Variants in ANK3 observed in about 807,000 individuals in gnomAD.
ANK3 encodes the protein ankyrin-3.
A neutral mutation model predicts 370.9 loss-of-function variants in ANK3; 57 were observed. The ratio of observed to expected loss-of-function variants is 0.15; its 90% CI spans 0.12 to 0.19. The LOEUF is 0.19. Ranked by LOEUF, ANK3 falls within the 10% of genes least tolerant of loss-of-function variation. ANK3 has a pLI of 1.00. For synonymous variants in ANK3, 1,929 were observed against 1,946.3 expected (o/e 0.99, Z 0.23); for missense variants, 4,439 against 5,302.1 (o/e 0.84, Z 5.06).
At chr10:60,038,437 C>A (rs865963042) in intron 43 of ANK3, among the ~76,000 whole-genome samples, 1 of 152,080 alleles carries the variant, frequency 6.6e-6, no homozygotes, top group Non-Finnish European at 1.5e-5. Flanking sequence ...ATGTTCTTTG[C>A]CCACTTGTTA....
intron 1 of ANK3, among the ~76,000 whole-genome samples, chr10:60,306,053 C>T (rs1244552800): frequency 6.6e-6 from 1 of 152,066 alleles, no homozygotes; most frequent in Admixed American, 6.5e-5. Context: ...AACTGAACCC[C>T]TTCCTTTTTA....
intron 1 of ANK3, among the ~76,000 whole-genome samples, chr10:60,341,365 T>C (rs2132982590): frequency 6.6e-6 from 1 of 152,278 alleles, no homozygotes; most frequent in Middle Eastern, 3.4e-3. Context: ...TCATTATTGT[T>C]ATTTGCATTC....
At chr10:60,236,825 C>A (rs1339205338) in intron 7 of ANK3, among the ~76,000 whole-genome samples, 1 of 152,228 alleles carries the variant, frequency 6.6e-6, no homozygotes, top group Non-Finnish European at 1.5e-5. Context: ...CAAACTTTGT[C>A]CGCAAAGGGC....
At chr10:60,526,048 T>A (rs575701469) in intron 2 of ANK3, among the ~76,000 whole-genome samples, 1 of 152,130 alleles carries the variant, frequency 6.6e-6, no homozygotes, top group Non-Finnish European at 1.5e-5. Flanking sequence ...CAGGTTTACA[T>A]GGAACTTGTC....
chr10:60,438,084 C>T (rs1050990377), intron 2 of ANK3, among the ~76,000 whole-genome samples: 4 of 152,150 alleles, frequency 2.6e-5, no homozygotes, highest in African/African-American at 9.7e-5. Flanking sequence ...GAAATTCATG[C>T]TGACCCTTAT....
intron 2 of ANK3, among the ~76,000 whole-genome samples, chr10:60,402,764 C>A (rs1448519280): frequency 6.6e-6 from 1 of 152,204 alleles, no homozygotes; most frequent in East Asian, 1.9e-4. Context: ...CCACCCCAGA[C>A]AACAGCCAGC....
rs2082581957 is a variant in ANK3, at chr10:60,071,028, T to G, written c.9853A>C (p.Asn3285His). The G allele has an allele frequency of 1.9e-6, 3 of 1,614,190 alleles. No individual in the cohort carries two copies. Among genetic ancestry groups the G allele is most frequent in the Non-Finnish European group, 2.5e-6 (3 of 1,180,020 alleles). Residue 3285 changes from asparagine to histidine, a missense_variant, in exon 37 of 44, where the codon AAT becomes CAT. Asn to His is a moderately conservative substitution (Grantham distance 68). Coordinates refer to ENST00000280772, the MANE Select transcript of ANK3 (RefSeq NM_020987.5). ...TACTTGTCATGCTCATCTTGCAGAT[T>G]GACTTCAATCATGTCAACCTCTTTT... ...PEKEVDMIEV[N>H]LQDEHDKYQL...
chr10:60,478,366 G>A (rs1284547775), intron 2 of ANK3, among the ~76,000 whole-genome samples: 2 of 151,988 alleles, frequency 1.3e-5, no homozygotes, highest in African/African-American at 2.4e-5. Flanking sequence ...ATTTCAGTAG[G>A]TTATATGATA....
chr10:60,711,308 C>CATGCCTGT (rs1432804771), intron 1 of ANK3, among the ~76,000 whole-genome samples: 6 of 152,026 alleles, frequency 3.9e-5, no homozygotes, highest in African/African-American at 1.4e-4. Flanking sequence ...TGTATCAAAA[C>CATGCCTGT]ATCTCATGAA....
Position 60,068,712 on chromosome 10 carries a change from T to G in ANK3, c.12169A>C (p.Lys4057Gln), listed in dbSNP as rs1564743518. 6.2e-7 allele frequency: 1 copy of G among 1,613,992 alleles called. No homozygotes were observed. The highest frequency in any genetic ancestry group is 1.1e-5 in the South Asian group (1 of 91,076). Residue 4057 changes from lysine to glutamine, a missense_variant, in exon 37 of 44, where the codon AAG becomes CAG. Physicochemically the swap from Lys to Gln is moderately conservative, Grantham distance 53. Transcript: ENST00000280772. ...TTTAAAGGTGCTGCCTCTGTTTTCT[T>G]ATCTCTAGCAGACTTCGTTGTAACC... Reference protein sequence around the residue: ...PSVTTKSARDKKTEAAPLKSK... With the variant: ...PSVTTKSARDQKTEAAPLKSK...
intron 42 of ANK3, 126 bp from the exon 43 acceptor site, chr10:60,042,885 G>A: frequency 1.3e-6 from 2 of 1,516,442 alleles, no homozygotes; most frequent in South Asian, 1.3e-5. Context: ...GTCACTTCAT[G>A]TCCAAAAATA....
rs77158528 is a variant in ANK3 at position 60,658,270 on chromosome 10, G to T, written c.58-43046C>A. On this transcript the variant is annotated intron_variant, in intron 1 of 43. Transcript: ENST00000373827. ...TTTGTTCCTTTATTCCTTTTCTCCT[G>T]CCTTGTTTTCTATTAATCAAGTATC... Among the ~76,000 whole-genome samples the T allele has an allele frequency of 5.4e-5, 8 of 149,328 alleles. No individual in the cohort carries two copies. The East Asian group carries it at 1.6e-3, about 29-fold the overall frequency.
rs781476279 is a variant in ANK3, at chr10:60,208,114, G to A, written c.1116C>T (p.His372=). 3.3e-5 allele frequency: 54 copies of A among 1,614,114 alleles called. No individual in the cohort carries two copies. The East Asian group carries it at 5.3e-4, about 16-fold the overall frequency. The change falls in exon 10 of 44, where the codon CAC becomes CAT. Residue 372 remains histidine, a synonymous_variant. Coordinates refer to ENST00000280772, the MANE Select transcript of ANK3 (RefSeq NM_020987.5). Reference sequence around the variant, plus strand: ...TGTAATGGCCACAGTGGGCAGCCACGTGTAGGGCAGTCAGGTAGTCATTGG... The same window carrying A: ...TGTAATGGCCACAGTGGGCAGCCACATGTAGGGCAGTCAGGTAGTCATTGG... ...DVTNDYLTAL[H]VAAHCGHYKV... is the part of the protein sequence containing the mutation.
intron 2 of ANK3, among the ~76,000 whole-genome samples, chr10:60,432,276 C>T (rs2064044067): frequency 6.6e-6 from 1 of 152,058 alleles, no homozygotes; most frequent in South Asian, 2.1e-4. Context: ...TCTTTTCTTC[C>T]TTTTGTTTGC....
chr10:60,119,260 C>T (rs575954119), intron 25 of ANK3, among the ~76,000 whole-genome samples: 12 of 152,200 alleles, frequency 7.9e-5, no homozygotes, highest in African/African-American at 1.4e-4. Context: ...ATGGAACCTA[C>T]GGTTTTATAC....
intron 17 of ANK3, among the ~76,000 whole-genome samples, chr10:60,186,408 A>C (rs886915420): frequency 4.0e-5 from 6 of 151,060 alleles, no homozygotes; most frequent in East Asian, 1.9e-4. Context: ...TGGAGTATAA[A>C]GAAGCAATCA....
intron 16 of ANK3, among the ~76,000 whole-genome samples, chr10:60,192,791 C>A (rs1468035640): frequency 1.3e-5 from 2 of 152,252 alleles, no homozygotes; most frequent in African/African-American, 4.8e-5. Context: ...GTATTCAGCA[C>A]TAAGCGACAT....
At chr10:60,096,531 A>G (rs1447388731) in intron 28 of ANK3, among the ~76,000 whole-genome samples, 1 of 152,218 alleles carries the variant, frequency 6.6e-6, no homozygotes, top group Non-Finnish European at 1.5e-5. Context: ...ATCGTACTAC[A>G]TGTTAGTACC....
intron 1 of ANK3, among the ~76,000 whole-genome samples, chr10:60,365,677 A>G (rs909809653): frequency 1.3e-5 from 2 of 152,212 alleles, no homozygotes; most frequent in Non-Finnish European, 2.9e-5. Flanking sequence ...ATTTACGTTG[A>G]CCATTTCAGG....
Sources: allele counts gnomAD v4.1 joint callset (sites outside exome capture counted in the v4.1 genomes callset), GRCh38; gene constraint gnomAD v4.1.1; transcripts MANE v1.5; gene names NCBI Gene and HGNC (gene_info 2026-07-23, HGNC 2026-07-21).